The following PCDHGA1 variants were observed in gnomAD, a reference collection of about 807,000 sequenced individuals.
PCDHGA1 encodes the protein protocadherin gamma-A1.
Under a neutral mutation model 58.0 loss-of-function variants are expected in PCDHGA1, and 32 were observed. The observed-to-expected ratio is 0.55, with a 90% confidence interval of 0.42 to 0.74. PCDHGA1 has a LOEUF of 0.74. Ranked by LOEUF, PCDHGA1 falls within the 30% of genes least tolerant of loss-of-function variation. The probability of loss-of-function intolerance (pLI) is 0.00; values close to 1 mark genes in which losing one functional copy is unlikely to be tolerated. For missense variants in PCDHGA1, 1,205 were observed against 1,182.3 expected (o/e 1.02, Z -0.28); for synonymous variants, 498 against 501.1 (o/e 0.99, Z 0.08).
intron 1 of PCDHGA1, among the ~76,000 whole-genome samples, chr5:141,482,981 A>T (rs1377809325): frequency 6.7e-6 from 1 of 150,250 alleles, no homozygotes; most frequent in Admixed American, 6.6e-5. Flanking sequence ...GCTACTTGAG[A>T]GGTCGAGGCA....
Position 141,431,359 on chromosome 5 carries a change from G to A in PCDHGA1, c.2422-63448G>A. 1 of 1,614,024 alleles carries A rather than the reference G, an allele frequency of 6.2e-7. No homozygotes were observed. The highest frequency in any genetic ancestry group is 8.5e-7 in the Non-Finnish European group (1 of 1,180,030). On this transcript the variant is annotated intron_variant, in intron 1 of 3. Transcript: ENST00000517417. This position sits in a 1 kb window ranked among gnomAD's most constrained non-coding sequence, Gnocchi z 4.8. ...CCGAATTGGTGCTGAAACGCGCCCTGGACCGCGAAGAAAAGGCTGCTCACC... is the reference window on the plus strand; with the variant it reads ...CCGAATTGGTGCTGAAACGCGCCCTAGACCGCGAAGAAAAGGCTGCTCACC...
rs748803155 is a variant in PCDHGA1, at chr5:141,490,087, G to C, written c.2422-4720G>C. ...CGGCCAACTAGACTATTCTTTTGGAGACCACACATCTGAGGCAGTGCGGAA... is the reference window on the plus strand; with the variant it reads ...CGGCCAACTAGACTATTCTTTTGGACACCACACATCTGAGGCAGTGCGGAA... On this transcript the variant is annotated intron_variant, in intron 1 of 3. Transcript: ENST00000517417. The surrounding 1 kb of genome is among the most constrained non-coding windows in gnomAD (Gnocchi z 5.4). 1.9e-6 allele frequency: 3 copies of C among 1,614,244 alleles called. No individual in the cohort carries two copies. Among genetic ancestry groups the C allele is most frequent in the Non-Finnish European group, 2.5e-6 (3 of 1,180,044 alleles).
intron 1 of PCDHGA1, chr5:141,475,839 CAG>C: frequency 2.3e-6 from 1 of 433,254 alleles, no homozygotes; most frequent in Non-Finnish European, 4.1e-6. Flanking sequence ...GTGTCCTGCT[CAG>C]AGAGCCCGGC....
At chr5:141,441,246 C>G (rs2098234855) in intron 1 of PCDHGA1, 1 of 152,136 alleles carries the variant, frequency 6.6e-6, no homozygotes, top group Non-Finnish European at 1.5e-5. Flanking sequence ...ATCACAAGAT[C>G]TTTAAATCAC....
intron 1 of PCDHGA1, chr5:141,388,238 C>G (rs546808390): frequency 3.7e-6 from 6 of 1,607,696 alleles, no homozygotes; most frequent in Non-Finnish European, 5.1e-6. Context: ...ACTTTTATCA[C>G]GTGAATGTGG....
intron 1 of PCDHGA1, chr5:141,375,358 G>A (rs1436482456): frequency 1.2e-6 from 2 of 1,613,810 alleles, no homozygotes; most frequent in Non-Finnish European, 8.5e-7. Context: ...TGACAGCCAC[G>A]GACAAAGGAA....
chr5:141,357,388 A>C (rs762308413), intron 1 of PCDHGA1: 2 of 1,614,224 alleles, frequency 1.2e-6, no homozygotes, highest in Non-Finnish European at 1.7e-6. Context: ...CGCTGAAGGC[A>C]GCAGGTTGGC....
At chr5:141,408,797 C>T (rs965305130) in intron 1 of PCDHGA1, 1 of 1,612,958 alleles carries the variant, frequency 6.2e-7, no homozygotes, top group African/African-American at 1.3e-5. Flanking sequence ...TCTGGAGAAA[C>T]TCCTAGACCG....
At position 141,332,876 on chromosome 5, in the gene PCDHGA1, G is replaced by T; in HGVS notation, c.2192G>T (p.Gly731Val). The T allele has an allele frequency of 1.2e-6, 2 of 1,614,250 alleles. No homozygotes were observed. Among genetic ancestry groups the T allele is most frequent in the Non-Finnish European group, 1.7e-6 (2 of 1,180,028 alleles). ...KSRLLQASGG[G>V]LASMPGSHFV... ...CGTCTGCTACAGGCTTCGGGAGGCGGCTTAGCGAGCATGCCCGGTTCGCAC... is the reference window on the plus strand; with the variant it reads ...CGTCTGCTACAGGCTTCGGGAGGCGTCTTAGCGAGCATGCCCGGTTCGCAC... Residue 731 changes from glycine to valine, a missense_variant, in exon 1 of 4, where the codon GGC becomes GTC. Physicochemically the swap from Gly to Val is moderately radical, Grantham distance 109 (BLOSUM62 -3). Transcript: ENST00000517417. This position sits in a 1 kb window ranked among gnomAD's most constrained non-coding sequence, Gnocchi z 4.6.
chr5:141,442,697 G>C (rs1443734141), intron 1 of PCDHGA1, among the ~76,000 whole-genome samples: 2 of 152,258 alleles, frequency 1.3e-5, no homozygotes, highest in East Asian at 1.9e-4. Flanking sequence ...AGGCAGACAA[G>C]AGTATCAGAC....
intron 1 of PCDHGA1, chr5:141,398,967 C>T: frequency 6.2e-7 from 1 of 1,613,942 alleles, no homozygotes; most frequent in Non-Finnish European, 8.5e-7. Flanking sequence ...TTACTTATTC[C>T]TTCTACAGAA....
Position 141,477,865 on chromosome 5 carries a change from T to A in PCDHGA1, c.2422-16942T>A, listed in dbSNP as rs1380570615. On this transcript the variant is annotated intron_variant, in intron 1 of 3. Transcript: ENST00000517417. This position sits in a 1 kb window ranked among gnomAD's most constrained non-coding sequence, Gnocchi z 4.9. ...GCTCGGTGGAGATGCTGCCTCGAGG[T>A]ACCTCAGCTGGCCACCTAGTGTCAC... 6.2e-7 allele frequency: 1 copy of A among 1,612,698 alleles called. No individual in the cohort carries two copies. Among genetic ancestry groups the A allele is most frequent in the Non-Finnish European group, 8.5e-7 (1 of 1,179,562 alleles).
At chr5:141,436,752 A>G (rs2097844842) in intron 1 of PCDHGA1, among the ~76,000 whole-genome samples, 2 of 152,194 alleles carry the variant, frequency 1.3e-5, no homozygotes, top group South Asian at 4.1e-4. Context: ...GCTTCTCCAT[A>G]TGGTATAATG....
At chr5:141,398,045 G>A (rs2093604271) in intron 1 of PCDHGA1, 1 of 1,498,158 alleles carries the variant, frequency 6.7e-7, no homozygotes. Flanking sequence ...AAGCCCGTTC[G>A]GAGATCCAAA....
At chr5:141,344,138 G>C in intron 1 of PCDHGA1, 3 of 1,614,026 alleles carry the variant, frequency 1.9e-6, no homozygotes, top group Non-Finnish European at 2.5e-6. Flanking sequence ...GCTACTCGGT[G>C]TCTGAGGAGC....
intron 1 of PCDHGA1, among the ~76,000 whole-genome samples, chr5:141,380,091 G>T (rs538586012): frequency 6.6e-6 from 1 of 151,576 alleles, no homozygotes; most frequent in African/African-American, 2.4e-5. Flanking sequence ...GTAGAGATGG[G>T]GTTTTACCAT....
At position 141,330,818 on chromosome 5, in the gene PCDHGA1, T is replaced by C. The variant is rs1756325068; in HGVS notation, c.134T>C (p.Val45Ala). Reference protein sequence around the residue: ...VPEETDKGSFVGNIAKDLGLQ... With the variant: ...VPEETDKGSFAGNIAKDLGLQ... ...GAAGAGACAGACAAAGGTTCCTTCGTAGGCAACATCGCCAAGGACCTAGGG... is the reference window on the plus strand; with the variant it reads ...GAAGAGACAGACAAAGGTTCCTTCGCAGGCAACATCGCCAAGGACCTAGGG... Residue 45 changes from valine to alanine, a missense_variant, in exon 1 of 4, where the codon GTA becomes GCA. Coordinates refer to ENST00000517417, the MANE Select transcript of PCDHGA1 (RefSeq NM_018912.3). 2 of 1,614,110 alleles carry C rather than the reference T, an allele frequency of 1.2e-6. No homozygotes were observed. The highest frequency in any genetic ancestry group is 1.3e-5 in the African/African-American group (1 of 74,934).
intron 1 of PCDHGA1, chr5:141,350,429 C>A: frequency 6.2e-7 from 1 of 1,609,800 alleles, no homozygotes; most frequent in Non-Finnish European, 8.5e-7. Context: ...GCTCAGTGTC[C>A]GGGAGTTGCC....
intron 1 of PCDHGA1, chr5:141,365,466 A>C: frequency 6.2e-7 from 1 of 1,614,016 alleles, no homozygotes; most frequent in African/African-American, 1.3e-5. Flanking sequence ...TCTGGAGAAA[A>C]TGGTGAGATT....
Sources: allele counts gnomAD v4.1 joint callset (sites outside exome capture counted in the v4.1 genomes callset), GRCh38; gene constraint gnomAD v4.1.1; non-coding constraint Gnocchi (gnomAD v3.1); transcripts MANE v1.5; gene names NCBI Gene and HGNC (gene_info 2026-07-23, HGNC 2026-07-21).